Variants in RGSL1 observed in about 807,000 individuals in gnomAD.
RGSL1 encodes regulator of G protein signaling protein-like.
Under a neutral mutation model 124.7 loss-of-function variants are expected in RGSL1, and 97 were observed. That is an observed-to-expected ratio of 0.78 (90% confidence interval 0.66 to 0.92). RGSL1 has a LOEUF of 0.92. Ranked by LOEUF, RGSL1 falls within the 40% of genes least tolerant of loss-of-function variation. The probability of loss-of-function intolerance (pLI) is 0.00; values close to 1 mark genes in which losing one functional copy is unlikely to be tolerated. For missense variants in RGSL1, 1,233 were observed against 1,288.4 expected, an observed-to-expected ratio of 0.96 and a Z score of 0.66; for synonymous variants, 424 against 438.1, an observed-to-expected ratio of 0.97 and a Z score of 0.40.
intron 8 of RGSL1, among the ~76,000 whole-genome samples, chr1:182,492,125 G>C (rs890642847): frequency 6.6e-6 from 1 of 152,222 alleles, no homozygotes; most frequent in Non-Finnish European, 1.5e-5. Flanking sequence ...CTGAGAAAGG[G>C]AAAACATAGC....
At chr1:182,536,326 C>T (rs545597127) in intron 14 of RGSL1, among the ~76,000 whole-genome samples, 2 of 152,192 alleles carry the variant, frequency 1.3e-5, no homozygotes, top group South Asian at 4.1e-4. Flanking sequence ...AGTAGAAATG[C>T]TGGGTTATGT....
At position 182,470,497 on chromosome 1, in the gene RGSL1, G is replaced by A. The variant is rs115167232; in HGVS notation, c.302-1899G>A. ...TTCCTCTACCCAGAATGCTCTTTCC[G>A]TAGATACTCACATGGCTCCCTCTCT... is the stretch of plus-strand genomic sequence containing the variant. On this transcript the variant is annotated intron_variant, in intron 4 of 21. Transcript: ENST00000294854. Among the ~76,000 whole-genome samples, 152 of 151,666 alleles carry A rather than the reference G, an allele frequency of 1.0e-3. 1 individual carries two copies. Among genetic ancestry groups the A allele is most frequent in the African/African-American group, 3.5e-3 (144 of 41,410 alleles).
At chr1:182,537,380 G>T (rs964330149) in intron 14 of RGSL1, among the ~76,000 whole-genome samples, 5 of 152,152 alleles carry the variant, frequency 3.3e-5, no homozygotes, top group African/African-American at 4.8e-5. Flanking sequence ...ATGTCTCATT[G>T]TGTATATGCA....
upstream of RGSL1, among the ~76,000 whole-genome samples, chr1:182,448,579 T>G (rs1651611521): frequency 6.6e-6 from 1 of 152,026 alleles, no homozygotes; most frequent in Admixed American, 6.6e-5. Context: ...ACTTGGAAAA[T>G]ATACAGACTC....
chr1:182,536,395 C>T (rs928775160), intron 14 of RGSL1, among the ~76,000 whole-genome samples: 2 of 152,262 alleles, frequency 1.3e-5, no homozygotes, highest in South Asian at 4.1e-4. Flanking sequence ...AGTGATTGTA[C>T]CATTTTTGCA....
At chr1:182,466,230 G>A (rs936675371) in intron 4 of RGSL1, among the ~76,000 whole-genome samples, 4 of 151,996 alleles carry the variant, frequency 2.6e-5, no homozygotes, top group African/African-American at 9.7e-5. Context: ...ACAAAAAACT[G>A]AAAGCTTTTC....
intron 9 of RGSL1, among the ~76,000 whole-genome samples, chr1:182,502,692 T>C (rs1029421120): frequency 1.3e-5 from 2 of 152,252 alleles, no homozygotes; most frequent in African/African-American, 4.8e-5. Flanking sequence ...ATAAGTTTCT[T>C]TTTGAGCAGT....
intron 9 of RGSL1, among the ~76,000 whole-genome samples, chr1:182,510,764 A>G (rs1030737330): frequency 1.5e-4 from 23 of 151,402 alleles, no homozygotes; most frequent in Non-Finnish European, 3.1e-4. Context: ...GCTTTTGCCC[A>G]TTTTTAAGTT....
intron 9 of RGSL1, among the ~76,000 whole-genome samples, chr1:182,509,827 CA>C (rs1657245276): frequency 7.5e-6 from 1 of 133,534 alleles, no homozygotes; most frequent in African/African-American, 2.9e-5. Flanking sequence ...GACCCCCCCC[CA>C]CCTCCCTCCC....
intron 9 of RGSL1, among the ~76,000 whole-genome samples, chr1:182,511,066 A>G (rs751114470): frequency 6.6e-6 from 1 of 152,012 alleles, no homozygotes; most frequent in Non-Finnish European, 1.5e-5. Flanking sequence ...TTATAGTTTC[A>G]GGTCTTAGAT....
Position 182,492,101 on chromosome 1 carries a change from T to A in RGSL1, c.1718-921T>A, listed in dbSNP as rs183038310. On this transcript the variant is annotated intron_variant, in intron 8 of 21. Coordinates refer to ENST00000294854, the MANE Select transcript of RGSL1 (RefSeq NM_001137669.2). ...TAGGTAAGTTAATTCTGAAAGTAAT[T>A]CCCAAAGTCAGAGCTGAGAAAGGGA... is the stretch of plus-strand genomic sequence containing the variant. Among the ~76,000 whole-genome samples the A allele has an allele frequency of 1.2e-4, 19 of 152,324 alleles. No individual in the cohort carries two copies. The East Asian group carries it at 3.3e-3, about 26-fold the overall frequency.
Position 182,493,114 on chromosome 1 carries a change from A to G in RGSL1, c.1810A>G (p.Lys604Glu). ...ISDDYKIYCE[K>E]APKIDFKMEI... Reference sequence around the variant, plus strand: ...TGATGACTACAAAATATACTGTGAGAAAGCACCTAAAATAGGCAAGTGTTT... The same window carrying G: ...TGATGACTACAAAATATACTGTGAGGAAGCACCTAAAATAGGCAAGTGTTT... Residue 604 changes from lysine (K) to glutamate (E), a missense_variant, in exon 9 of 22, where the codon AAA (lysine) becomes GAA (glutamate). Transcript: ENST00000294854. The G allele has an allele frequency of 1.3e-6, 2 of 1,549,590 alleles. No homozygotes were observed. Among genetic ancestry groups the G allele is most frequent in the East Asian group, 2.4e-5 (1 of 40,894 alleles).
At chr1:182,511,325 C>A (rs368158213) in intron 9 of RGSL1, among the ~76,000 whole-genome samples, 2 of 152,040 alleles carry the variant, frequency 1.3e-5, no homozygotes, top group African/African-American at 4.8e-5. Flanking sequence ...CCACCATGCC[C>A]GGCTAATTTT....
At chr1:182,503,024 T>G (rs1656512565) in intron 9 of RGSL1, among the ~76,000 whole-genome samples, 1 of 152,102 alleles carries the variant, frequency 6.6e-6, no homozygotes, top group African/African-American at 2.4e-5. Flanking sequence ...GGCAAGGATG[T>G]GGAGAAAAGG....
chr1:182,528,617 G>A (rs1052160295), intron 11 of RGSL1, among the ~76,000 whole-genome samples: 1 of 152,150 alleles, frequency 6.6e-6, no homozygotes, highest in Non-Finnish European at 1.5e-5. Flanking sequence ...ATCCAGTAGG[G>A]CAGTCATTAA....
chr1:182,531,408 G>C (rs1659163242), intron 13 of RGSL1, among the ~76,000 whole-genome samples: 1 of 152,140 alleles, frequency 6.6e-6, no homozygotes, highest in Non-Finnish European at 1.5e-5. Context: ...AAGGAAGAAA[G>C]AGGGGACAGG....
chr1:182,502,009 G>A (rs1330194227), intron 9 of RGSL1, among the ~76,000 whole-genome samples: 1 of 151,990 alleles, frequency 6.6e-6, no homozygotes, highest in Non-Finnish European at 1.5e-5. Context: ...CTAATTTGTT[G>A]CCATAAAATT....
chr1:182,469,757 C>T (rs1653666122), intron 4 of RGSL1, among the ~76,000 whole-genome samples: 1 of 152,034 alleles, frequency 6.6e-6, no homozygotes, highest in Non-Finnish European at 1.5e-5. Flanking sequence ...GTCCAAGAAA[C>T]CATCAATGGA....
intron 9 of RGSL1, among the ~76,000 whole-genome samples, chr1:182,499,053 A>G (rs1571577949): frequency 1.3e-5 from 2 of 152,094 alleles, no homozygotes; most frequent in African/African-American, 4.8e-5. Context: ...TCAACCTCCC[A>G]AAGTGCTGGG....
Sources: gnomAD v4.1 joint callset for allele counts (sites outside exome capture counted in the v4.1 genomes callset) on GRCh38, gnomAD v4.1.1 for gene constraint, MANE v1.5 for transcripts, NCBI Gene and HGNC (gene_info 2026-07-23, HGNC 2026-07-21) for gene names.